LDLRAD3: variants seen among roughly 807,000 people sequenced by gnomAD.
LDLRAD3 encodes low-density lipoprotein receptor class A domain-containing protein 3.
In LDLRAD3, 20 loss-of-function variants were observed where a neutral mutation model predicts 29.4. That is an observed-to-expected ratio of 0.68 (90% confidence interval 0.48 to 0.99). LDLRAD3 has a LOEUF of 0.99. Ranked by LOEUF, LDLRAD3 falls within the 50% of genes least tolerant of loss-of-function variation. The pLI, the probability that LDLRAD3 is intolerant of heterozygous loss-of-function variation, is 0.00. For missense variants in LDLRAD3, 420 were observed against 454.3 expected (o/e 0.92, Z 0.69); for synonymous variants, 157 against 192.7 (o/e 0.81, Z 1.53).
chr11:36,198,996 G>T (rs1855076636), intron 4 of LDLRAD3, among the ~76,000 whole-genome samples: 1 of 152,140 alleles, frequency 6.6e-6, no homozygotes, highest in Non-Finnish European at 1.5e-5. Flanking sequence ...CGCCTCCGGG[G>T]TTCACCCCAT....
chr11:36,153,700 A>AT (rs905684214), intron 4 of LDLRAD3, among the ~76,000 whole-genome samples: 7 of 151,870 alleles, frequency 4.6e-5, no homozygotes, highest in African/African-American at 1.5e-4. Context: ...TTTTGGCCTT[A>AT]TTTTTTTCTG....
intron 4 of LDLRAD3, among the ~76,000 whole-genome samples, chr11:36,132,662 T>C (rs1293714621): frequency 6.6e-6 from 1 of 152,240 alleles, no homozygotes; most frequent in Non-Finnish European, 1.5e-5. Context: ...TTTCAGGTGA[T>C]GTTGCGTTTT....
chr11:36,075,083 T>C (rs1852974640), intron 2 of LDLRAD3, among the ~76,000 whole-genome samples: 1 of 152,206 alleles, frequency 6.6e-6, no homozygotes, highest in Non-Finnish European at 1.5e-5. Flanking sequence ...GCTGTTTTTC[T>C]GCTGGAAGTC....
Position 36,229,305 on chromosome 11 carries a change from G to A in LDLRAD3, c.946G>A (p.Asp316Asn). 6.2e-7 allele frequency: 1 copy of A among 1,613,996 alleles called. No homozygotes were observed. The highest frequency in any genetic ancestry group is 2.2e-5 in the East Asian group (1 of 44,848). Residue 316 changes from aspartate to asparagine, a missense_variant, in exon 6 of 6, where the codon GAC (aspartate) becomes AAC (asparagine). This residue lies in a region of LDLRAD3 where 140 missense variants were observed against 139.9 expected (regional missense o/e 1.00). Transcript: ENST00000315571. ...AGCCAGCAGCCTCCTGAGCGTGGAA[G>A]ACACCAGCCACAGCCCGGGGCAGCC... Reference protein sequence around the residue: ...QAASSLLSVEDTSHSPGQPGP... With the variant: ...QAASSLLSVENTSHSPGQPGP...
intron 2 of LDLRAD3, among the ~76,000 whole-genome samples, chr11:36,052,968 AT>A (rs10711575): frequency 0.81 from 118,711 of 147,368 alleles, 47,660 homozygotes; most frequent in East Asian, 0.88. Context: ...TTGAGGTCTG[AT>A]TTTTTTTTTT....
At chr11:35,960,293 C>T (rs536903349) in intron 1 of LDLRAD3, among the ~76,000 whole-genome samples, 1 of 152,330 alleles carries the variant, frequency 6.6e-6, no homozygotes, top group Admixed American at 6.5e-5. Flanking sequence ...GCTCATTCAT[C>T]TCTTAAAAGG....
chr11:36,003,315 A>T (rs1254385279), intron 1 of LDLRAD3, among the ~76,000 whole-genome samples: 1 of 152,180 alleles, frequency 6.6e-6, no homozygotes, highest in African/African-American at 2.4e-5. Flanking sequence ...AGTAGAGACT[A>T]CACACAGATT....
intron 3 of LDLRAD3, among the ~76,000 whole-genome samples, chr11:36,093,568 C>A (rs910114162): frequency 6.6e-6 from 1 of 152,152 alleles, no homozygotes; most frequent in Non-Finnish European, 1.5e-5. Flanking sequence ...GCCACTTTGC[C>A]AGTCAGGTAC....
At chr11:36,192,519 G>A (rs1854969451) in intron 4 of LDLRAD3, among the ~76,000 whole-genome samples, 1 of 152,214 alleles carries the variant, frequency 6.6e-6, no homozygotes, top group Non-Finnish European at 1.5e-5. Context: ...CCATCTAAAT[G>A]GGTTTGGGTC....
intron 3 of LDLRAD3, among the ~76,000 whole-genome samples, chr11:36,089,701 T>C (rs571812613): frequency 3.9e-5 from 6 of 152,280 alleles, no homozygotes; most frequent in Admixed American, 2.0e-4. Flanking sequence ...CTGGGTTCAA[T>C]TGATACTCCC....
At chr11:36,078,764 C>G (rs1220886529) in intron 2 of LDLRAD3, among the ~76,000 whole-genome samples, 2 of 152,208 alleles carry the variant, frequency 1.3e-5, no homozygotes, top group Non-Finnish European at 2.9e-5. Context: ...CTCTGCCTGC[C>G]TCTCCATGAC....
Position 35,964,203 on chromosome 11 carries a change from C to A in LDLRAD3, c.46+20059C>A, listed in dbSNP as rs116606911. ...ACACTCCTACTACTAACCATGTTCCCAATTATTTGGTGCTTACTGTGTCCC... is the reference window on the plus strand; with the variant it reads ...ACACTCCTACTACTAACCATGTTCCAAATTATTTGGTGCTTACTGTGTCCC... On this transcript the variant is annotated intron_variant, in intron 1 of 5. Transcript: ENST00000315571. 3.7e-3 allele frequency among the ~76,000 whole-genome samples: 565 copies of A among 152,254 alleles called. 2 individuals carry two copies. Among genetic ancestry groups the A allele is most frequent in the African/African-American group, 0.012 (508 of 41,546 alleles).
intron 4 of LDLRAD3, among the ~76,000 whole-genome samples, chr11:36,215,976 C>T (rs1308632676): frequency 2.6e-5 from 4 of 152,200 alleles, no homozygotes; most frequent in Non-Finnish European, 4.4e-5. Context: ...GCAGCATCAG[C>T]TCCTGCATGC....
rs559263766 is a variant in LDLRAD3 at position 36,230,806 on chromosome 11, G to C, written c.*1409G>C. On this transcript the variant is annotated 3_prime_UTR_variant, in exon 6 of 6. Coordinates refer to ENST00000315571, the MANE Select transcript of LDLRAD3 (RefSeq NM_174902.4). ...TCACACCCTTGCCCCGCTGAGCCCCGTGATAACAAGTCACTCCAGACTAAC... is the reference window on the plus strand; with the variant it reads ...TCACACCCTTGCCCCGCTGAGCCCCCTGATAACAAGTCACTCCAGACTAAC... The C allele has an allele frequency of 6.6e-6, 1 of 152,544 alleles. No homozygotes were observed. The highest frequency in any genetic ancestry group is 2.4e-5 in the African/African-American group (1 of 41,418). 9.4% of individuals were successfully genotyped at this position (152,544 alleles called of 1,614,324 possible). A position where few individuals can be genotyped will look rare whatever the true frequency, so the allele number is the denominator to read the frequency against.
intron 4 of LDLRAD3, among the ~76,000 whole-genome samples, chr11:36,192,157 G>C (rs926175137): frequency 5.3e-5 from 8 of 152,194 alleles, no homozygotes; most frequent in Non-Finnish European, 8.8e-5. Context: ...TTTAAATTGT[G>C]TGCACATGTT....
At chr11:36,228,851 G>T (rs536170859) in intron 5 of LDLRAD3, among the ~76,000 whole-genome samples, 1 of 152,132 alleles carries the variant, frequency 6.6e-6, no homozygotes, top group Non-Finnish European at 1.5e-5. Flanking sequence ...TGATGGAGCA[G>T]AGTGGCAATG....
At chr11:36,079,233 A>G (rs758923932) in intron 2 of LDLRAD3, among the ~76,000 whole-genome samples, 1 of 152,210 alleles carries the variant, frequency 6.6e-6, no homozygotes, top group Non-Finnish European at 1.5e-5. Context: ...TTGACTTATC[A>G]GTATGTCCTA....
intron 4 of LDLRAD3, among the ~76,000 whole-genome samples, chr11:36,225,719 A>G (rs566050967): frequency 6.6e-5 from 10 of 152,160 alleles, no homozygotes; most frequent in African/African-American, 2.4e-4. Flanking sequence ...TTAAAAAAAA[A>G]AGGAGAATCA....
At chr11:36,022,619 G>T (rs534339534) in intron 1 of LDLRAD3, among the ~76,000 whole-genome samples, 2 of 152,260 alleles carry the variant, frequency 1.3e-5, no homozygotes, top group Non-Finnish European at 2.9e-5. Flanking sequence ...CACAGGGTGG[G>T]TAAGTAATTC....
Sources: gnomAD v4.1 joint callset for allele counts (sites outside exome capture counted in the v4.1 genomes callset) on GRCh38, gnomAD v4.1.1 for gene constraint, gnomAD v4.1.1 regional missense constraint, MANE v1.5 for transcripts, NCBI Gene and HGNC (gene_info 2026-07-23, HGNC 2026-07-21) for gene names.